Variants in GEMIN8 observed in about 807,000 individuals in gnomAD.
GEMIN8 encodes the protein gem nuclear organelle associated protein 8.
For missense variants in GEMIN8, 185 were observed against 205.9 expected (o/e 0.90, Z 0.62); for synonymous variants, 80 against 78.5 (o/e 1.02, Z -0.10).
chrX:14,001,043 G>A, the GEMIN8 span, among the ~76,000 whole-genome samples: 1 of 112,065 alleles, frequency 8.9e-6, no homozygotes, highest in African/African-American at 3.2e-5. Context: ...GTAACATTTA[G>A]TACTGTAAAG....
chrX:13,984,733 A>G, the GEMIN8 span, among the ~76,000 whole-genome samples: 9 of 111,378 alleles, frequency 8.1e-5, no homozygotes, highest in African/African-American at 2.9e-4. Flanking sequence ...GGAAGATGAG[A>G]CAGGTAAAGG....
At chrX:14,018,770 T>TC (rs1371217908) in intron 4 of GEMIN8, among the ~76,000 whole-genome samples, 2 of 101,265 alleles carry the variant, frequency 2.0e-5, no homozygotes, top group African/African-American at 7.2e-5. Context: ...TCTTTTCTTT[T>TC]TTTTTTTTTT....
At chrX:14,013,954 G>T in intron 4 of GEMIN8, 1 of 715,788 alleles carries the variant, frequency 1.4e-6, no homozygotes, top group Non-Finnish European at 1.7e-6. Context: ...ACATAATCCT[G>T]GTATTTTTCA....
intron 2 of GEMIN8, among the ~76,000 whole-genome samples, chrX:14,023,486 T>A (rs1924498955): frequency 9.0e-6 from 1 of 110,520 alleles, no homozygotes; most frequent in South Asian, 3.9e-4. Context: ...TTCAAGCGAT[T>A]CTCCTGCCTC....
chrX:14,017,203 A>T (rs752477077), intron 4 of GEMIN8, among the ~76,000 whole-genome samples: 16 of 110,889 alleles, frequency 1.4e-4, no homozygotes, highest in African/African-American at 5.2e-4. Flanking sequence ...AGAACCTCTA[A>T]TCAGCGAGTG....
At chrX:14,000,524 G>A in the GEMIN8 span, among the ~76,000 whole-genome samples, 3 of 109,774 alleles carry the variant, frequency 2.7e-5, no homozygotes, top group Admixed American at 9.7e-5. Context: ...GTGAACCCGG[G>A]AGGCGGACCT....
At chrX:14,004,752 G>A (rs938056226), downstream of GEMIN8, among the ~76,000 whole-genome samples, 4 of 111,252 alleles carry the variant, frequency 3.6e-5, no homozygotes, top group African/African-American at 9.8e-5. Context: ...TAGTAGAGAC[G>A]GGGTTTCACC....
intron 1 of GEMIN8, chrX:14,026,428 G>A (rs1370132790): frequency 5.4e-6 from 4 of 741,792 alleles, no homozygotes; most frequent in South Asian, 1.4e-4. Context: ...CACTGACGAG[G>A]CCTATAGGCA....
chrX:14,011,688 C>T (rs893930921), intron 4 of GEMIN8, among the ~76,000 whole-genome samples: 5 of 110,188 alleles, frequency 4.5e-5, no homozygotes, highest in African/African-American at 6.6e-5. Context: ...ATCAGCTTCA[C>T]TGACAGATCT....
chrX:14,028,141 T>C (rs1333056607), intron 1 of GEMIN8, among the ~76,000 whole-genome samples: 2 of 112,460 alleles, frequency 1.8e-5, no homozygotes, highest in Non-Finnish European at 3.8e-5. Flanking sequence ...AGGCACTCAC[T>C]ATGCCTCATT....
In GEMIN8 at chrX:14,017,483, G is replaced by C. The variant is rs185221019; in HGVS notation, c.472+2595C>G. Among the ~76,000 whole-genome samples, 4 of 112,004 alleles carry C rather than the reference G, an allele frequency of 3.6e-5. No homozygotes were observed. The East Asian group carries it at 1.1e-3, about 31-fold the overall frequency. ...TTGGGGACAAAGAAAATTCTCCCAG[G>C]GTGATTGTACTCCTTTCCTAGGGCT... On this transcript the variant is annotated intron_variant, in intron 4 of 4. Coordinates refer to ENST00000680255, the MANE Select transcript of GEMIN8 (RefSeq NM_001042479.2).
intron 2 of GEMIN8, among the ~76,000 whole-genome samples, chrX:14,025,044 C>T (rs1488137987): frequency 9.0e-6 from 1 of 111,670 alleles, no homozygotes; most frequent in Non-Finnish European, 1.9e-5. Context: ...TTGTAATAGC[C>T]TTTTACATTT....
At chrX:13,995,235 G>C in the GEMIN8 span, among the ~76,000 whole-genome samples, 1 of 112,230 alleles carries the variant, frequency 8.9e-6, no homozygotes, top group East Asian at 2.8e-4. Flanking sequence ...GGCTCAGAAA[G>C]ACTTGAAACC....
intron 2 of GEMIN8, 80 bp downstream of exon 2, chrX:14,026,060 G>A (rs985296032): frequency 6.2e-5 from 46 of 747,367 alleles, no homozygotes; most frequent in Non-Finnish European, 6.6e-5. Context: ...ACCTCTCAAA[G>A]AAAAGAGAGC....
intron 4 of GEMIN8, among the ~76,000 whole-genome samples, chrX:14,010,365 G>A (rs750071207): frequency 8.9e-6 from 1 of 111,819 alleles, no homozygotes; most frequent in African/African-American, 3.2e-5. Context: ...TCTTGTAAGC[G>A]ACTCTGTCAA....
chrX:13,986,667 A>C, the GEMIN8 span, among the ~76,000 whole-genome samples: 1 of 112,437 alleles, frequency 8.9e-6, no homozygotes, highest in African/African-American at 3.2e-5. Flanking sequence ...TCTTTTGCTC[A>C]CACCTCATTG....
intron 4 of GEMIN8, among the ~76,000 whole-genome samples, chrX:14,010,898 G>A (rs1923488614): frequency 8.9e-6 from 1 of 112,363 alleles, no homozygotes; most frequent in African/African-American, 3.2e-5. Context: ...CTAATTTTTG[G>A]TCTTTCTGCC....
chrX:13,996,934 T>TC, the GEMIN8 span, among the ~76,000 whole-genome samples: 1 of 38,499 alleles, frequency 2.6e-5, no homozygotes, highest in African/African-American at 1.8e-4. Context: ...GTGGCTTGTC[T>TC]TTTTTTTTTT....
downstream of GEMIN8, among the ~76,000 whole-genome samples, chrX:14,006,202 T>C (rs1405172634): frequency 2.7e-5 from 3 of 110,954 alleles, no homozygotes. Flanking sequence ...CTTATTTTTG[T>C]ATTTTTAGTA....
Sources: gnomAD v4.1 joint callset for allele counts (sites outside exome capture counted in the v4.1 genomes callset) on GRCh38, gnomAD v4.1.1 for gene constraint, MANE v1.5 for transcripts, NCBI Gene and HGNC (gene_info 2026-07-23, HGNC 2026-07-21) for gene names.